Variants in CDC42SE2 observed in about 807,000 individuals in gnomAD.
CDC42SE2 encodes CDC42 small effector protein 2.
CDC42SE2 carries 3 observed loss-of-function variants against 11.5 expected under a neutral mutation model. That is an observed-to-expected ratio of 0.26 (90% CI 0.12 to 0.67). The LOEUF (loss-of-function observed/expected upper bound fraction) is 0.67, where lower values mean the gene tolerates loss of function less well. Among genes scored for constraint, CDC42SE2 ranks in the 30% least tolerant of loss-of-function variants. CDC42SE2 has a pLI of 0.80. For missense variants in CDC42SE2, 82 were observed against 106.8 expected (o/e 0.77, Z 1.02); for synonymous variants, 33 against 34.8 (o/e 0.95, Z 0.18).
intron 2 of CDC42SE2, among the ~76,000 whole-genome samples, chr5:131,339,910 G>C (rs960049088): frequency 3.3e-5 from 5 of 151,850 alleles, no homozygotes; most frequent in Non-Finnish European, 7.4e-5. Context: ...ACAGGTAAAA[G>C]TCCTAAATAT....
chr5:131,391,084 C>CG lies in CDC42SE2; in HGVS notation c.251dup (p.Ter85IlefsTer37). On this transcript the variant is annotated frameshift_variant, in exon 5 of 5. Coordinates refer to ENST00000505065, the MANE Select transcript of CDC42SE2 (RefSeq NM_001375635.1). LOFTEE classifies it high-confidence loss of function. The stretch of plus-strand genomic sequence containing the variant: ...CAGATGCAGCTCGTGGATACGAAGG[C>CG]GGGATAGCCCTGGTCCTTTCTCCAG... 1.9e-6 allele frequency: 3 copies of CG among 1,611,056 alleles called. No homozygotes were observed. The highest frequency in any genetic ancestry group is 2.5e-6 in the Non-Finnish European group (3 of 1,177,928).
chr5:131,282,154 T>C (rs1757248909), intron 1 of CDC42SE2, among the ~76,000 whole-genome samples: 2 of 152,196 alleles, frequency 1.3e-5, no homozygotes, highest in South Asian at 2.1e-4. Context: ...GTTTTAAGGT[T>C]AAAAGCTGAA....
chr5:131,214,032 G>A, the CDC42SE2 span, among the ~76,000 whole-genome samples: 1 of 152,156 alleles, frequency 6.6e-6, no homozygotes. Flanking sequence ...GACCAGCAAG[G>A]AAGTAGGCAA....
At chr5:131,261,787 T>C (rs1390030101), upstream of CDC42SE2, among the ~76,000 whole-genome samples, 1 of 151,014 alleles carries the variant, frequency 6.6e-6, no homozygotes, top group Non-Finnish European at 1.5e-5. Context: ...AAGACAGAGG[T>C]TGCAGAGAGC....
At chr5:131,345,120 C>A (rs1287459878) in intron 2 of CDC42SE2, among the ~76,000 whole-genome samples, 1 of 152,192 alleles carries the variant, frequency 6.6e-6, no homozygotes, top group African/African-American at 2.4e-5. Flanking sequence ...CAACTCCTTG[C>A]CAGCAACGGA....
intron 1 of CDC42SE2, among the ~76,000 whole-genome samples, chr5:131,313,985 G>T (rs1296786504): frequency 1.3e-5 from 2 of 152,084 alleles, no homozygotes; most frequent in African/African-American, 4.8e-5. Flanking sequence ...GCACCACCAT[G>T]CCCGACTAAA....
At chr5:131,301,941 G>A (rs781478469) in intron 1 of CDC42SE2, among the ~76,000 whole-genome samples, 12 of 152,046 alleles carry the variant, frequency 7.9e-5, no homozygotes, top group Non-Finnish European at 1.3e-4. Context: ...GTAAGTGGCA[G>A]AGCCAGATTT....
upstream of CDC42SE2, among the ~76,000 whole-genome samples, chr5:131,261,082 G>A (rs1421451702): frequency 6.6e-6 from 1 of 152,244 alleles, no homozygotes; most frequent in Non-Finnish European, 1.5e-5. Context: ...TTAGCAGTTG[G>A]TTAGAACAAC....
At chr5:131,322,227 G>C (rs546890573) in intron 2 of CDC42SE2, among the ~76,000 whole-genome samples, 4 of 152,250 alleles carry the variant, frequency 2.6e-5, no homozygotes, top group African/African-American at 9.6e-5. Context: ...GTACAGTTGA[G>C]TAGTGTTAAG....
chr5:131,327,985 A>G (rs968367046), intron 2 of CDC42SE2, among the ~76,000 whole-genome samples: 1 of 152,180 alleles, frequency 6.6e-6, no homozygotes, highest in Non-Finnish European at 1.5e-5. Context: ...GTCCAAGATC[A>G]ACGGGCCAAC....
chr5:131,298,486 T>C (rs758247043), intron 1 of CDC42SE2, among the ~76,000 whole-genome samples: 1 of 151,524 alleles, frequency 6.6e-6, no homozygotes, highest in Non-Finnish European at 1.5e-5. Flanking sequence ...CTGTGGATAT[T>C]ATTTAGTATG....
At chr5:131,330,381 G>T (rs1004562617) in intron 2 of CDC42SE2, among the ~76,000 whole-genome samples, 1 of 152,156 alleles carries the variant, frequency 6.6e-6, no homozygotes, top group Non-Finnish European at 1.5e-5. Flanking sequence ...AAGGTTATTA[G>T]AGTTTTTTTT....
intron 1 of CDC42SE2, among the ~76,000 whole-genome samples, chr5:131,251,610 T>A (rs1254728217): frequency 6.6e-6 from 1 of 152,192 alleles, no homozygotes; most frequent in African/African-American, 2.4e-5. Context: ...AGTACATGAA[T>A]AGCAGACTGC....
At chr5:131,292,564 A>T (rs1450523155) in intron 1 of CDC42SE2, among the ~76,000 whole-genome samples, 2 of 149,604 alleles carry the variant, frequency 1.3e-5, no homozygotes, top group Non-Finnish European at 3.0e-5. Flanking sequence ...CATCTCAAAA[A>T]AAAAAAAAAA....
chr5:131,293,657 A>C (rs905625802), intron 1 of CDC42SE2, among the ~76,000 whole-genome samples: 1 of 151,874 alleles, frequency 6.6e-6, no homozygotes, highest in Non-Finnish European at 1.5e-5. Context: ...TTCCACAACT[A>C]TGAGAAACAA....
chr5:131,273,406 T>C (rs1374410974), intron 1 of CDC42SE2, among the ~76,000 whole-genome samples: 1 of 150,270 alleles, frequency 6.7e-6, no homozygotes, highest in Non-Finnish European at 1.5e-5. Flanking sequence ...TCTGCCCAGC[T>C]TGGCCTCCCA....
chr5:131,272,035 G>C (rs1757004626), intron 1 of CDC42SE2, among the ~76,000 whole-genome samples: 1 of 152,126 alleles, frequency 6.6e-6, no homozygotes, highest in South Asian at 2.1e-4. Context: ...TTTTGAGATG[G>C]AGTCTCACTG....
At chr5:131,262,363 A>G (rs1756749320), upstream of CDC42SE2, among the ~76,000 whole-genome samples, 1 of 152,208 alleles carries the variant, frequency 6.6e-6, no homozygotes, top group Non-Finnish European at 1.5e-5. Context: ...GGTATGATGT[A>G]GATAAAGATC....
chr5:131,234,375 C>G, the CDC42SE2 span, among the ~76,000 whole-genome samples: 1 of 152,284 alleles, frequency 6.6e-6, no homozygotes, highest in Non-Finnish European at 1.5e-5. Flanking sequence ...CAGTGGCTCA[C>G]TCCTGTAATC....
Sources: gnomAD v4.1 joint callset for allele counts (sites outside exome capture counted in the v4.1 genomes callset) on GRCh38, gnomAD v4.1.1 for gene constraint, MANE v1.5 for transcripts, NCBI Gene and HGNC (gene_info 2026-07-23, HGNC 2026-07-21) for gene names.